The following MIER2 variants were observed in gnomAD, a reference collection of about 807,000 sequenced individuals.
The protein encoded by MIER2 is mesoderm induction early response protein 2.
In MIER2, 30 loss-of-function variants were observed where a neutral mutation model predicts 67.6. That is an observed-to-expected ratio of 0.44 (90% CI 0.33 to 0.60). The LOEUF (loss-of-function observed/expected upper bound fraction) is 0.60, where lower values mean the gene tolerates loss of function less well. Among genes scored for constraint, MIER2 ranks in the 20% least tolerant of loss-of-function variants. The pLI is 0.02. For missense variants in MIER2, 702 were observed against 745.1 expected (o/e 0.94, Z 0.67); for synonymous variants, 372 against 312.6 (o/e 1.19, Z -2.00).
rs192745073 is a variant in MIER2, at chr19:331,527, G to C, written c.243+2873C>G. ...AGAAATAAAATAAAAACGTTGGTGA[G>C]GTGTGGTGGCGTGCGACTATAGTCC... On this transcript the variant is annotated intron_variant, in intron 3 of 13. Coordinates refer to ENST00000264819, the MANE Select transcript of MIER2 (RefSeq NM_017550.3). Among the ~76,000 whole-genome samples, 10 of 152,216 alleles carry C rather than the reference G, an allele frequency of 6.6e-5. No individual in the cohort carries two copies. In the East Asian group the frequency reaches 1.4e-3, roughly 21 times the overall value.
At position 334,555 on chromosome 19, in the gene MIER2, G is replaced by C. The variant is rs200225439; in HGVS notation, c.101-13C>G. ...CCCATGGACACCACTGGGGAGAAGA[G>C]AGCAGCCCAGGTGAGCACCGTGCCT... On this transcript the variant is annotated splice_polypyrimidine_tract_variant and intron_variant, in intron 2 of 13. Coordinates refer to ENST00000264819, the MANE Select transcript of MIER2 (RefSeq NM_017550.3). 5.0e-6 allele frequency: 8 copies of C among 1,612,774 alleles called. No individual in the cohort carries two copies. The Admixed American group carries it at 6.7e-5, about 13-fold the overall frequency.
In MIER2 at chr19:327,362, A is replaced by G. The variant is rs1385127177; in HGVS notation, c.370-106T>C. On this transcript the variant is annotated intron_variant, in intron 4 of 13. Coordinates refer to ENST00000264819, the MANE Select transcript of MIER2 (RefSeq NM_017550.3). ...ACACTGGGAGTGCCCTGAGGCTCAC[A>G]TGGGGCTGCTATTCCCATTCTGCAA... The G allele has an allele frequency of 4.4e-6, 6 of 1,355,342 alleles. No individual in the cohort carries two copies. In the Admixed American group the frequency reaches 7.0e-5, roughly 16 times the overall value. 84.0% of individuals were successfully genotyped at this position (1,355,342 alleles called of 1,614,324 possible). A position where few individuals can be genotyped will look rare whatever the true frequency, so the allele number is the denominator to read the frequency against.
intron 3 of MIER2, chr19:334,068 A>G (rs994359582): frequency 8.4e-5 from 18 of 214,920 alleles, no homozygotes; most frequent in African/African-American, 4.0e-4. Context: ...CAAGTGATCC[A>G]CCCGCCTCAG....
chr19:325,768 T>C, intron 6 of MIER2, 64 bp from the exon 7 acceptor site: 1 of 1,577,024 alleles, frequency 6.3e-7, no homozygotes, highest in Non-Finnish European at 8.7e-7. Context: ...GGAGGCTGGC[T>C]GCAGCGTGCT....
At chr19:334,907 A>G (rs574346239) in intron 2 of MIER2, among the ~76,000 whole-genome samples, 17 of 152,302 alleles carry the variant, frequency 1.1e-4, no homozygotes, top group African/African-American at 4.1e-4. Flanking sequence ...GTGGGTTCAC[A>G]CCGGACTCCA....
intron 6 of MIER2, 82 bp from the exon 7 acceptor site, chr19:325,786 G>A (rs1220332677): frequency 3.5e-5 from 53 of 1,499,150 alleles, no homozygotes; most frequent in Non-Finnish European, 4.8e-5. Context: ...GCTGTGGCAG[G>A]CTTACGGGGA....
intron 1 of MIER2, among the ~76,000 whole-genome samples, chr19:337,910 ACGCCTGTAATCC>A (rs1430954497): frequency 7.0e-6 from 1 of 142,430 alleles, no homozygotes; most frequent in East Asian, 2.0e-4. Flanking sequence ...GCAGTGGCTC[ACGCCTGTAATCC>A]CAGCACTTTG....
rs149675130 is a variant in MIER2, at chr19:311,921, C to T, written c.908G>A (p.Ser303Asn). 2 of 1,613,926 alleles carry T rather than the reference C, an allele frequency of 1.2e-6. No homozygotes were observed. Among genetic ancestry groups the T allele is most frequent in the African/African-American group, 2.7e-5 (2 of 74,920 alleles). Residue 303 changes from serine to asparagine, a missense_variant, in exon 10 of 14, where the codon AGT becomes AAT. Ser to Asn is a conservative substitution (Grantham distance 46). Coordinates refer to ENST00000264819, the MANE Select transcript of MIER2 (RefSeq NM_017550.3). ...CTCAAAGTTCCTGCACTCCTCTTCA[C>T]TCCAAGCACAGAGCCCATCTGCAAA... ...KVIRDGLCAW[S>N]EEECRNFEHG... is the part of the protein sequence containing the mutation.
intron 1 of MIER2, among the ~76,000 whole-genome samples, chr19:338,904 C>CA (rs1158052926): frequency 6.6e-6 from 1 of 152,034 alleles, no homozygotes; most frequent in Non-Finnish European, 1.5e-5. Context: ...AAAATTACCT[C>CA]AAAATGGATC....
At chr19:324,599 A>G (rs867129424) in intron 7 of MIER2, among the ~76,000 whole-genome samples, 1 of 142,596 alleles carries the variant, frequency 7.0e-6, no homozygotes, top group Admixed American at 7.1e-5. Flanking sequence ...GCAATACACA[A>G]GACACACACA....
chr19:309,220 G>A lies in MIER2; in HGVS notation c.985-295C>T, dbSNP rs145002726. ...CTTCTGTAGCATCAGCCAGACAAACGTACCCTCCAGGCCTCTGTCTACTGC... is the reference window on the plus strand; with the variant it reads ...CTTCTGTAGCATCAGCCAGACAAACATACCCTCCAGGCCTCTGTCTACTGC... On this transcript the variant is annotated intron_variant, in intron 10 of 13. Transcript: ENST00000264819. 6.0e-3 allele frequency among the ~76,000 whole-genome samples: 918 copies of A among 151,984 alleles called. 14 individuals are homozygous for A. The highest frequency in any genetic ancestry group is 0.021 in the African/African-American group (859 of 41,424).
At chr19:341,472 G>C (rs1972498928) in intron 1 of MIER2, among the ~76,000 whole-genome samples, 1 of 152,152 alleles carries the variant, frequency 6.6e-6, no homozygotes, top group Non-Finnish European at 1.5e-5. Context: ...CCGCTAACAG[G>C]GAGGCCCTGA....
chr19:336,932 A>G (rs8182490), intron 1 of MIER2, among the ~76,000 whole-genome samples: 112,067 of 151,306 alleles, frequency 0.74, 41,779 homozygotes, highest in African/African-American at 0.82. Context: ...AACCTCTGCC[A>G]CCCAGGTTCA....
Position 312,210 on chromosome 19 carries a change from G to A in MIER2, c.870C>T (p.Phe290=), listed in dbSNP as rs1971050931. Residue 290 remains phenylalanine, a synonymous_variant, in exon 9 of 14, where the codon TTC becomes TTT. Transcript: ENST00000264819. ...NVEEALRRLR[F]NVKVIRDGLC... Reference sequence around the variant, plus strand: ...GCTCACCTCGGATCACCTTCACGTTGAACCGCAGCCTTCGCAGGGCCTCCT... The same window carrying A: ...GCTCACCTCGGATCACCTTCACGTTAAACCGCAGCCTTCGCAGGGCCTCCT... 6.2e-7 allele frequency: 1 copy of A among 1,613,780 alleles called. No homozygotes were observed. The highest frequency in any genetic ancestry group is 1.1e-5 in the South Asian group (1 of 91,084).
At chr19:318,309 G>A (rs1438588829) in intron 7 of MIER2, among the ~76,000 whole-genome samples, 4 of 152,150 alleles carry the variant, frequency 2.6e-5, no homozygotes, top group Non-Finnish European at 4.4e-5. Flanking sequence ...AAAAGCTGCT[G>A]TGGTCACACT....
In MIER2 at chr19:325,632, T is replaced by C. The variant is rs369797342; in HGVS notation, c.655+3A>G. ...TCGCCTCCTCTCCCCAGGCCCTACTTACTCTTCTCACAGTGCCGGTTCAAG... is the reference window on the plus strand; with the variant it reads ...TCGCCTCCTCTCCCCAGGCCCTACTCACTCTTCTCACAGTGCCGGTTCAAG... On this transcript the variant is annotated splice_donor_region_variant and intron_variant, in intron 7 of 13. Transcript: ENST00000264819. 1.5e-5 allele frequency: 25 copies of C among 1,614,044 alleles called. No individual in the cohort carries two copies. The highest frequency in any genetic ancestry group is 1.9e-5 in the Non-Finnish European group (22 of 1,180,024).
chr19:325,950 G>A (rs1971720310), intron 6 of MIER2, among the ~76,000 whole-genome samples: 1 of 152,230 alleles, frequency 6.6e-6, no homozygotes, highest in South Asian at 2.1e-4. Context: ...GGATGTCGGA[G>A]GACAAACACT....
intron 1 of MIER2, among the ~76,000 whole-genome samples, chr19:343,075 C>A (rs1436507354): frequency 6.6e-6 from 1 of 152,212 alleles, no homozygotes; most frequent in Non-Finnish European, 1.5e-5. Context: ...AGGCCGAGGA[C>A]AGAGCGGGAC....
intron 7 of MIER2, among the ~76,000 whole-genome samples, chr19:319,315 T>C (rs1971398266): frequency 6.6e-6 from 1 of 151,998 alleles, no homozygotes; most frequent in South Asian, 2.1e-4. Flanking sequence ...TGAGTCAATA[T>C]TGCACCACTG....
Sources: allele counts gnomAD v4.1 joint callset (sites outside exome capture counted in the v4.1 genomes callset), GRCh38; gene constraint gnomAD v4.1.1; transcripts MANE v1.5; gene names NCBI Gene and HGNC (gene_info 2026-07-23, HGNC 2026-07-21).